Variants in MIGA1 observed in about 807,000 individuals in gnomAD.
MIGA1 encodes the protein family with sequence similarity 73, member A.
A neutral mutation model predicts 82.0 loss-of-function variants in MIGA1; 58 were observed. The ratio of observed to expected loss-of-function variants is 0.71; its 90% CI spans 0.57 to 0.88. The LOEUF is 0.88. Among genes scored for constraint, MIGA1 ranks in the 40% least tolerant of loss-of-function variants. The pLI, the probability that MIGA1 is intolerant of heterozygous loss-of-function variation, is 0.00. For missense variants in MIGA1, 751 were observed against 749.1 expected (o/e 1.00, Z -0.03); for synonymous variants, 249 against 253.6 (o/e 0.98, Z 0.17).
At chr1:77,788,984 A>G (rs937740347) in intron 2 of MIGA1, among the ~76,000 whole-genome samples, 51 of 152,294 alleles carry the variant, frequency 3.3e-4, no homozygotes, top group African/African-American at 1.2e-3. Flanking sequence ...TTGAATCTGT[A>G]GATTGCTTTG....
In MIGA1 at chr1:77,875,733, TGA is replaced by T. The variant is rs1646888754; in HGVS notation, c.*672_*673del. 6.6e-6 allele frequency: 1 copy of T among 152,066 alleles called. No individual in the cohort carries two copies. Among genetic ancestry groups the T allele is most frequent in the Non-Finnish European group, 1.5e-5 (1 of 68,060 alleles). 9.4% of individuals were successfully genotyped at this position (152,066 alleles called of 1,614,324 possible). On this transcript the variant is annotated 3_prime_UTR_variant, in exon 16 of 16. Transcript: ENST00000370791. ...GGAGGACAGTTTGAGGCCAGGAGGT[TGA>T]GACTAGCCTGGACAACATAAGGAGA...
intron 2 of MIGA1, among the ~76,000 whole-genome samples, chr1:77,795,632 C>CT (rs774683958): frequency 0.022 from 3,062 of 136,146 alleles, 53 homozygotes; most frequent in Middle Eastern, 0.084. Flanking sequence ...ATATTACTTT[C>CT]TTTTTTTTTT....
chr1:77,818,714 C>T (rs1004125270), intron 7 of MIGA1, among the ~76,000 whole-genome samples: 3 of 152,132 alleles, frequency 2.0e-5, no homozygotes, highest in Non-Finnish European at 4.4e-5. Context: ...GAGTTCAAGA[C>T]CAGCCTGTAT....
intron 5 of MIGA1, chr1:77,811,816 C>T (rs1683346892): frequency 4.6e-6 from 7 of 1,514,764 alleles, no homozygotes; most frequent in Non-Finnish European, 6.2e-6. Flanking sequence ...CCGCCCCTAC[C>T]CCAGCAAGGC....
intron 13 of MIGA1, among the ~76,000 whole-genome samples, chr1:77,865,319 A>G (rs1235442593): frequency 6.6e-6 from 1 of 152,122 alleles, no homozygotes; most frequent in African/African-American, 2.4e-5. Context: ...GGCCAGGTAC[A>G]GTGACTCATG....
rs371875762 is a variant in MIGA1 at position 77,874,836 on chromosome 1, C to A, written c.1681-10C>A. ...GGTCTAATAAATGCCAATTTATGTTCATTTTCCAGAATCAAGTTCTTTTAT... is the reference window on the plus strand; with the variant it reads ...GGTCTAATAAATGCCAATTTATGTTAATTTTCCAGAATCAAGTTCTTTTAT... On this transcript the variant is annotated splice_polypyrimidine_tract_variant and intron_variant, in intron 15 of 15. Transcript: ENST00000370791. The A allele has an allele frequency of 9.9e-5, 159 of 1,603,474 alleles. 1 individual carries two copies. In the African/African-American group the frequency reaches 1.7e-3, roughly 18 times the overall value.
intron 7 of MIGA1, among the ~76,000 whole-genome samples, chr1:77,842,570 C>T (rs539414198): frequency 3.2e-4 from 49 of 152,248 alleles, no homozygotes; most frequent in Admixed American, 2.2e-3. Flanking sequence ...TGTTTTGAGA[C>T]GGAGCCTTGA....
intron 3 of MIGA1, 101 bp downstream of exon 3, chr1:77,801,609 A>G: frequency 3.1e-6 from 3 of 955,542 alleles, no homozygotes; most frequent in South Asian, 2.0e-5. Context: ...TTCCTAATAT[A>G]TTATTTAACT....
chr1:77,868,268 C>T (rs1465904250), intron 14 of MIGA1: 1 of 152,104 alleles, frequency 6.6e-6, no homozygotes, highest in Non-Finnish European at 1.5e-5. Context: ...ACTCTGTCGC[C>T]CAGGCTGGAG....
chr1:77,864,051 C>T, intron 13 of MIGA1, 23 bp downstream of exon 13: 1 of 1,601,296 alleles, frequency 6.2e-7, no homozygotes, highest in Non-Finnish European at 8.5e-7. Flanking sequence ...TAACCTTTCT[C>T]AGCCTTTTAA....
At chr1:77,788,768 C>T (rs1395842791) in intron 2 of MIGA1, among the ~76,000 whole-genome samples, 1 of 152,184 alleles carries the variant, frequency 6.6e-6, no homozygotes, top group Non-Finnish European at 1.5e-5. Flanking sequence ...GGTTTTATTT[C>T]TGTGCCCTTG....
At chr1:77,831,145 C>T (rs1026829092) in intron 7 of MIGA1, among the ~76,000 whole-genome samples, 1 of 152,182 alleles carries the variant, frequency 6.6e-6, no homozygotes, top group African/African-American at 2.4e-5. Flanking sequence ...AAGATAAGAA[C>T]TTGAAAGTAA....
At chr1:77,809,754 GTTTT>G (rs55741013) in intron 5 of MIGA1, among the ~76,000 whole-genome samples, 2 of 136,144 alleles carry the variant, frequency 1.5e-5, no homozygotes, top group Non-Finnish European at 1.6e-5. Context: ...GTGCATAAAT[GTTTT>G]TTTTTTTTTT....
chr1:77,853,868 G>C (rs1685148801), intron 8 of MIGA1: 1 of 263,164 alleles, frequency 3.8e-6, no homozygotes, highest in Admixed American at 3.9e-5. Flanking sequence ...TACTTTCCCA[G>C]AATATGGAGG....
At chr1:77,854,264 A>G (rs961886440) in intron 8 of MIGA1, among the ~76,000 whole-genome samples, 1 of 152,110 alleles carries the variant, frequency 6.6e-6, no homozygotes, top group African/African-American at 2.4e-5. Flanking sequence ...TATACATACC[A>G]CAGTTTCTTT....
intron 8 of MIGA1, chr1:77,848,731 A>G (rs1305311510): frequency 1.3e-6 from 2 of 1,499,638 alleles, no homozygotes; most frequent in South Asian, 2.3e-5. Context: ...AATGTCAGCT[A>G]GAGACAGGTA....
chr1:77,837,299 T>G (rs1684469322), intron 7 of MIGA1, among the ~76,000 whole-genome samples: 1 of 152,208 alleles, frequency 6.6e-6, no homozygotes, highest in South Asian at 2.1e-4. Flanking sequence ...GAATCTATTA[T>G]GTATTTTATA....
intron 2 of MIGA1, among the ~76,000 whole-genome samples, chr1:77,799,305 T>C (rs1420387690): frequency 2.6e-5 from 4 of 152,324 alleles, no homozygotes; most frequent in African/African-American, 9.6e-5. Context: ...TAAGACTTTC[T>C]CATAAAAAGG....
At chr1:77,850,035 A>C (rs527990249) in intron 8 of MIGA1, among the ~76,000 whole-genome samples, 1 of 110,728 alleles carries the variant, frequency 9.0e-6, no homozygotes, top group African/African-American at 3.5e-5. Flanking sequence ...ACTCTCTCTC[A>C]AAAAAAAAAA....
Sources: allele counts gnomAD v4.1 joint callset (sites outside exome capture counted in the v4.1 genomes callset), GRCh38; gene constraint gnomAD v4.1.1; transcripts MANE v1.5; gene names NCBI Gene and HGNC (gene_info 2026-07-23, HGNC 2026-07-21).